FAM193A: variants seen among roughly 807,000 people sequenced by gnomAD.
The protein encoded by FAM193A is family with sequence similarity 193 member A.
A neutral mutation model predicts 126.5 loss-of-function variants in FAM193A; 22 were observed. The observed-to-expected ratio is 0.17, with a 90% confidence interval of 0.12 to 0.25. FAM193A has a LOEUF of 0.25. Among genes scored for constraint, FAM193A ranks in the 10% least tolerant of loss-of-function variants. The probability of loss-of-function intolerance (pLI) is 1.00; values close to 1 mark genes in which losing one functional copy is unlikely to be tolerated. For missense variants in FAM193A, 1,675 were observed against 1,672.8 expected, an observed-to-expected ratio of 1.00 and a Z score of -0.02; for synonymous variants, 761 against 646.8, an observed-to-expected ratio of 1.18 and a Z score of -2.68.
rs61790232 is a variant in FAM193A, at chr4:2,658,740, C to T, written c.1390-818C>T. ...TTCCCTTTCCCCATTCTGCATGTGT[C>T]CCTGTGCTTTTGTTGTTGTTGTTGT... On this transcript the variant is annotated intron_variant, in intron 8 of 20. Transcript: ENST00000637812. Among the ~76,000 whole-genome samples, 1,227 of 150,736 alleles carry T rather than the reference C, an allele frequency of 8.1e-3. 8 individuals carry two copies. The highest frequency in any genetic ancestry group is 0.012 in the Non-Finnish European group (819 of 67,884).
intron 1 of FAM193A, among the ~76,000 whole-genome samples, chr4:2,576,456 AG>A (rs1169057786): frequency 6.6e-6 from 1 of 152,142 alleles, no homozygotes; most frequent in Non-Finnish European, 1.5e-5. Context: ...GTCCAGCTTC[AG>A]GGGGCTGAGG....
At chr4:2,658,701 G>A (rs768279221) in intron 8 of FAM193A, among the ~76,000 whole-genome samples, 1 of 152,100 alleles carries the variant, frequency 6.6e-6, no homozygotes, top group East Asian at 1.9e-4. Context: ...CCAGTGTTGT[G>A]GCATGCTTAC....
Position 2,626,381 on chromosome 4 carries a change from C to T in FAM193A, c.636-29C>T, listed in dbSNP as rs1005571901. 6 of 691,030 alleles carry T rather than the reference C, an allele frequency of 8.7e-6. No individual in the cohort carries two copies. In the African/African-American group the frequency reaches 1.1e-4, roughly 12 times the overall value. The allele number at this position is 691,030 out of a possible 1,614,324, so 42.8% of individuals were successfully genotyped here. A position where few individuals can be genotyped will look rare whatever the true frequency, so the allele number is the denominator to read the frequency against. ...GAGGAAGGGCAGCAGATTGTGGTGA[C>T]TTTCTAACCTTCCTGTGTTGTCTCA... On this transcript the variant is annotated intron_variant, in intron 3 of 20. Coordinates refer to ENST00000637812, the MANE Select transcript of FAM193A (RefSeq NM_001366318.2).
At chr4:2,542,770 A>G (rs1189607344) in intron 1 of FAM193A, among the ~76,000 whole-genome samples, 1 of 152,166 alleles carries the variant, frequency 6.6e-6, no homozygotes, top group Non-Finnish European at 1.5e-5. Context: ...CAGGAGGTGG[A>G]TAAGAGAGAA....
intron 2 of FAM193A, among the ~76,000 whole-genome samples, chr4:2,598,079 ATT>A (rs1740973171): frequency 6.6e-6 from 1 of 151,730 alleles, no homozygotes; most frequent in South Asian, 2.1e-4. Context: ...TAATTTTTGT[ATT>A]TTTGGTAGAG....
At chr4:2,561,856 T>C (rs1738636782) in intron 1 of FAM193A, among the ~76,000 whole-genome samples, 1 of 152,170 alleles carries the variant, frequency 6.6e-6, no homozygotes, top group Non-Finnish European at 1.5e-5. Context: ...ATTGTGGATA[T>C]TTATTAGAAT....
At chr4:2,681,317 ATTG>A (rs767388247) in intron 13 of FAM193A, among the ~76,000 whole-genome samples, 13 of 138,978 alleles carry the variant, frequency 9.4e-5, no homozygotes, top group South Asian at 4.5e-4. Flanking sequence ...TTTTTCCCCT[ATTG>A]TTTTTCTATT....
At chr4:2,651,566 C>T (rs1167576539) in intron 7 of FAM193A, among the ~76,000 whole-genome samples, 1 of 152,202 alleles carries the variant, frequency 6.6e-6, no homozygotes, top group Admixed American at 6.5e-5. Context: ...ATCATGAGAA[C>T]AGCATGGGGG....
At chr4:2,590,065 G>A (rs566619617) in intron 1 of FAM193A, among the ~76,000 whole-genome samples, 46 of 151,612 alleles carry the variant, frequency 3.0e-4, no homozygotes, top group African/African-American at 1.1e-3. Flanking sequence ...AATCCAGGAG[G>A]CGGAGGTTGC....
chr4:2,690,809 C>A lies in FAM193A; in HGVS notation c.2642C>A (p.Ala881Glu), dbSNP rs1359714715. 1.2e-6 allele frequency: 2 copies of A among 1,613,954 alleles called. No individual in the cohort carries two copies. Among genetic ancestry groups the A allele is most frequent in the East Asian group, 4.5e-5 (2 of 44,878 alleles). ...VSDSKEKKNA[A>E]KKKCLYNFQD... ...GATAGTAAAGAGAAAAAGAATGCTG[C>A]AAAAAAGAAATGTTTATACAATTTC... The change falls in exon 15 of 21, where the codon GCA becomes GAA. Residue 881 changes from alanine to glutamate, a missense_variant. This residue lies in a region of FAM193A where 1,186 missense variants were observed against 1,109.2 expected (regional missense o/e 1.07). Transcript: ENST00000637812.
At chr4:2,677,749 A>G (rs1714591035) in intron 13 of FAM193A, among the ~76,000 whole-genome samples, 1 of 151,956 alleles carries the variant, frequency 6.6e-6, no homozygotes, top group South Asian at 2.1e-4. Context: ...CTCAAAAAAA[A>G]AAAAAAAAAG....
chr4:2,579,928 G>A (rs1190387787), intron 1 of FAM193A, among the ~76,000 whole-genome samples: 1 of 152,120 alleles, frequency 6.6e-6, no homozygotes, highest in African/African-American at 2.4e-5. Flanking sequence ...CCATTACTGG[G>A]TATATACTCA....
chr4:2,688,823 A>T (rs1716040503), intron 13 of FAM193A, among the ~76,000 whole-genome samples: 1 of 152,264 alleles, frequency 6.6e-6, no homozygotes, highest in South Asian at 2.1e-4. Flanking sequence ...TGGCTGAGGC[A>T]GAGGGAGGAC....
chr4:2,607,253 T>TC (rs34328861), intron 2 of FAM193A, among the ~76,000 whole-genome samples: 4,850 of 152,296 alleles, frequency 0.032, 92 homozygotes, highest in South Asian at 0.078. Context: ...CTGGCTTTTT[T>TC]CCCGCCTCAC....
intron 13 of FAM193A, among the ~76,000 whole-genome samples, chr4:2,678,785 C>T (rs546124481): frequency 6.6e-6 from 1 of 152,308 alleles, no homozygotes; most frequent in African/African-American, 2.4e-5. Flanking sequence ...TATCTTCCTA[C>T]TTTGCTGAAT....
chr4:2,637,601 G>T (rs1744214620), intron 5 of FAM193A, among the ~76,000 whole-genome samples: 1 of 152,178 alleles, frequency 6.6e-6, no homozygotes, highest in African/African-American at 2.4e-5. Context: ...TGCAGAGCCT[G>T]CCCTTAGGTC....
intron 1 of FAM193A, among the ~76,000 whole-genome samples, chr4:2,588,067 T>G (rs1268159639): frequency 1.3e-5 from 2 of 152,192 alleles, no homozygotes; most frequent in African/African-American, 4.8e-5. Context: ...TCCAAAAGAT[T>G]GCTGGTGCTC....
intron 4 of FAM193A, among the ~76,000 whole-genome samples, chr4:2,628,981 T>G (rs1743267460): frequency 6.6e-6 from 1 of 151,794 alleles, no homozygotes; most frequent in Non-Finnish European, 1.5e-5. Flanking sequence ...GCCTCGCGAG[T>G]AGCTGGGACT....
chr4:2,696,029 A>AAAAT (rs4040736), intron 17 of FAM193A, among the ~76,000 whole-genome samples: 4,403 of 150,362 alleles, frequency 0.029, 186 homozygotes, highest in African/African-American at 0.091. Flanking sequence ...CCTTGTCTCA[A>AAAAT]AAATAAATAA....
Sources: allele counts gnomAD v4.1 joint callset (sites outside exome capture counted in the v4.1 genomes callset), GRCh38; gene constraint gnomAD v4.1.1; regional missense constraint gnomAD v4.1.1; transcripts MANE v1.5; gene names NCBI Gene and HGNC (gene_info 2026-07-23, HGNC 2026-07-21).